The following CHD1 variants were observed in gnomAD, a reference collection of about 807,000 sequenced individuals.
CHD1 encodes the protein ATP-dependent chromatin remodeler CHD1.
Under a neutral mutation model 224.2 loss-of-function variants are expected in CHD1, and 36 were observed. That is an observed-to-expected ratio of 0.16 (90% confidence interval 0.12 to 0.21). CHD1 has a LOEUF of 0.21. CHD1 is among the 10% of genes least tolerant of loss of function. CHD1 has a pLI of 1.00. For missense variants in CHD1, 1,378 were observed against 1,994.8 expected (o/e 0.69, Z 5.89); for synonymous variants, 668 against 658.3 (o/e 1.01, Z -0.23).
intron 2 of CHD1, among the ~76,000 whole-genome samples, chr5:98,913,418 GAGCTA>G (rs1752546919): frequency 1.3e-5 from 2 of 152,160 alleles, no homozygotes; most frequent in South Asian, 4.1e-4. Flanking sequence ...AGGCTGCAAT[GAGCTA>G]TCAACTGTGC....
rs1178702704 is a variant in CHD1, at chr5:98,856,151, AAAC to A, written c.*226_*228del. The A allele has an allele frequency of 8.1e-6, 3 of 370,114 alleles. No individual in the cohort carries two copies. The highest frequency in any genetic ancestry group is 6.0e-5 in the African/African-American group (3 of 49,866). The allele number at this position is 370,114 out of a possible 1,614,324, so 22.9% of individuals were successfully genotyped here. A position where few individuals can be genotyped will look rare whatever the true frequency, so the allele number is the denominator to read the frequency against. ...ACATTTTCCATTTCTTTAAAAAAGA[AAAC>A]AAAAAAAAGTACTACAATTTTGTAG... On this transcript the variant is annotated 3_prime_UTR_variant, in exon 36 of 36. Transcript: ENST00000614616.
rs772198625 is a variant in CHD1, at chr5:98,855,428, C to T, written c.*952G>A. ...GTGTTTATACACCTACCCTTTTAAA[C>T]CAGATGCATCTGAAAAAAGTGTTTC... On this transcript the variant is annotated 3_prime_UTR_variant, in exon 36 of 36. Transcript: ENST00000614616. The T allele has an allele frequency of 4.6e-5, 7 of 152,388 alleles. No homozygotes were observed. The highest frequency in any genetic ancestry group is 8.8e-5 in the Non-Finnish European group (6 of 67,976). 9.4% of individuals were successfully genotyped at this position (152,388 alleles called of 1,614,324 possible).
intron 10 of CHD1, 77 bp from the exon 11 acceptor site, chr5:98,897,397 T>C (rs1287954998): frequency 9.5e-6 from 10 of 1,052,274 alleles, no homozygotes; most frequent in Non-Finnish European, 1.4e-5. Context: ...GCCTCAGCTT[T>C]ACCATAAATT....
At chr5:98,884,758 C>A (rs1383468104) in intron 18 of CHD1, among the ~76,000 whole-genome samples, 3 of 150,860 alleles carry the variant, frequency 2.0e-5, no homozygotes, top group Admixed American at 6.6e-5. Context: ...ACTCTATTGC[C>A]TGGGCTAGAG....
In CHD1 at chr5:98,899,651, G is replaced by C. The variant is rs757267964; in HGVS notation, c.914C>G (p.Ala305Gly). The C allele has an allele frequency of 1.5e-5, 25 of 1,613,504 alleles. No homozygotes were observed. The highest frequency in any genetic ancestry group is 2.1e-5 in the Non-Finnish European group (25 of 1,179,932). The part of the protein sequence containing the change: ...YAVEADGDPN[A>G]GFEKNKEPGE... ...TGGTTCTTTGTTTTTTTCAAAGCCT[G>C]CATTTGGGTCACCATCTGCTTCAAC... is the stretch of plus-strand genomic sequence containing the variant. Residue 305 changes from alanine (A) to glycine (G), a missense_variant, in exon 8 of 36, where the codon GCA becomes GGA. Physicochemically the swap from Ala to Gly is moderately conservative, Grantham distance 60 (BLOSUM62 0). This residue lies in a region of CHD1 where 40 missense variants were observed against 60.0 expected (regional missense o/e 0.67). Transcript: ENST00000614616.
At chr5:98,920,186 G>A (rs747720695) in intron 2 of CHD1, among the ~76,000 whole-genome samples, 1 of 151,874 alleles carries the variant, frequency 6.6e-6, no homozygotes, top group African/African-American at 2.4e-5. Context: ...ATATATAAAC[G>A]ATTTAGAAAT....
In CHD1 at chr5:98,872,485, G is replaced by A; in HGVS notation, c.3642C>T (p.Val1214=). 1 of 1,613,000 alleles carries A rather than the reference G, an allele frequency of 6.2e-7. No homozygotes were observed. Among genetic ancestry groups the A allele is most frequent in the Non-Finnish European group, 8.5e-7 (1 of 1,179,192 alleles). ...ISGVQVNAKL[V]ISHEEELIPL... is the part of the protein sequence containing the mutation. Reference sequence around the variant, plus strand: ...GTATTAATTCTTCTTCATGGGAGATGACTAGTTTGGCATTCACCTGTACTC... The same window carrying A: ...GTATTAATTCTTCTTCATGGGAGATAACTAGTTTGGCATTCACCTGTACTC... The change falls in exon 27 of 36, where the codon GTC becomes GTT. Residue 1214 remains valine (V), a synonymous_variant. Coordinates refer to ENST00000614616, the MANE Select transcript of CHD1 (RefSeq NM_001270.4).
chr5:98,879,401 C>G (rs1037086613), intron 23 of CHD1, 151 bp downstream of exon 23: 8 of 552,250 alleles, frequency 1.4e-5, no homozygotes, highest in Non-Finnish European at 2.4e-5. Context: ...GGAAGAAACA[C>G]TTCTCAACTC....
intron 15 of CHD1, among the ~76,000 whole-genome samples, chr5:98,890,492 G>A (rs1282718752): frequency 6.6e-6 from 1 of 152,028 alleles, no homozygotes; most frequent in African/African-American, 2.4e-5. Context: ...AGAAATTTAT[G>A]GCAGTATCTT....
intron 2 of CHD1, among the ~76,000 whole-genome samples, chr5:98,918,339 T>C (rs914260043): frequency 2.6e-5 from 4 of 151,440 alleles, no homozygotes; most frequent in Non-Finnish European, 4.4e-5. Flanking sequence ...GGATTACAGA[T>C]GTGAGCCACC....
At chr5:98,912,667 T>C (rs1752497782) in intron 2 of CHD1, among the ~76,000 whole-genome samples, 1 of 151,964 alleles carries the variant, frequency 6.6e-6, no homozygotes, top group South Asian at 2.1e-4. Context: ...CAAGACTCTG[T>C]CTCAAAAAAA....
chr5:98,881,947 G>A lies in CHD1; in HGVS notation c.2867+28C>T, dbSNP rs374438928. On this transcript the variant is annotated intron_variant, in intron 20 of 35. Transcript: ENST00000614616. ...AATATGAGTTTACTGACTCTAAAAT[G>A]ACATTTTTTTAATAATCAAGTAACC... 3 of 1,597,106 alleles carry A rather than the reference G, an allele frequency of 1.9e-6. No homozygotes were observed. In the African/African-American group the frequency reaches 4.0e-5, roughly 21 times the overall value.
chr5:98,875,845 G>C (rs1160602132), intron 24 of CHD1, among the ~76,000 whole-genome samples: 2 of 152,086 alleles, frequency 1.3e-5, no homozygotes, highest in African/African-American at 4.8e-5. Context: ...ATAAACAAAA[G>C]TAAGCTGTTA....
rs11451331 is a variant in CHD1 at position 98,911,130 on chromosome 5, G to GAAAA, written c.54-6036_54-6033dup. Reference sequence around the variant, plus strand: ...TCTAACAACCTTCCTGTGCTAAAATGAAAAAAAAAAAAAAAAATATATATA... The same window carrying GAAAA: ...TCTAACAACCTTCCTGTGCTAAAATGAAAAAAAAAAAAAAAAAAAAATATATATA... On this transcript the variant is annotated intron_variant, in intron 2 of 35. Coordinates refer to ENST00000614616, the MANE Select transcript of CHD1 (RefSeq NM_001270.4). Among the ~76,000 whole-genome samples, 107 of 44,022 alleles carry GAAAA rather than the reference G, an allele frequency of 2.4e-3. 4 individuals are homozygous for GAAAA. Among genetic ancestry groups the GAAAA allele is most frequent in the Non-Finnish European group, 3.2e-3 (83 of 25,580 alleles). The allele number at this position is 44,022 out of a possible 152,430, so 28.9% of individuals were successfully genotyped here.
rs1163396308 is a variant in CHD1, at chr5:98,926,276, AAAGTC to A, written c.53+53_53+57del. 2.8e-6 allele frequency: 3 copies of A among 1,068,652 alleles called. No individual in the cohort carries two copies. The African/African-American group carries it at 5.0e-5, about 18-fold the overall frequency. The allele number at this position is 1,068,652 out of a possible 1,614,324, so 66.2% of individuals were successfully genotyped here. On this transcript the variant is annotated intron_variant, in intron 2 of 35. Coordinates refer to ENST00000614616, the MANE Select transcript of CHD1 (RefSeq NM_001270.4). The stretch of plus-strand genomic sequence containing the variant: ...AATAACAACAATAACAATAAAGAAA[AAAGTC>A]AAGTTTTCAACTCTCTTCATAGTAA...
intron 15 of CHD1, among the ~76,000 whole-genome samples, chr5:98,890,845 A>C (rs1750969772): frequency 6.6e-6 from 1 of 152,184 alleles, no homozygotes; most frequent in African/African-American, 2.4e-5. Flanking sequence ...CTACAGAATA[A>C]CTGTTTTCCC....
chr5:98,872,271 G>GT, intron 27 of CHD1, 70 bp from the exon 28 acceptor site: 10 of 1,516,672 alleles, frequency 6.6e-6, no homozygotes, highest in South Asian at 2.5e-5. Flanking sequence ...TTTGAAAAAC[G>GT]TGAGTCATTA....
chr5:98,893,636 G>A (rs1046005611), intron 13 of CHD1, 30 bp from the exon 14 acceptor site: 4 of 1,394,734 alleles, frequency 2.9e-6, no homozygotes, highest in African/African-American at 3.0e-5. Context: ...AGTATTTTGA[G>A]AGAAAAACGG....
At chr5:98,898,613 G>C (rs1561525254) in intron 9 of CHD1, 51 bp downstream of exon 9, 3 of 1,317,600 alleles carry the variant, frequency 2.3e-6, no homozygotes, top group South Asian at 1.3e-5. Context: ...ACTTTTTTCA[G>C]ATTATTTCAA....
Sources: gnomAD v4.1 joint callset for allele counts (sites outside exome capture counted in the v4.1 genomes callset) on GRCh38, gnomAD v4.1.1 for gene constraint, gnomAD v4.1.1 regional missense constraint, MANE v1.5 for transcripts, NCBI Gene and HGNC (gene_info 2026-07-23, HGNC 2026-07-21) for gene names.